The following PAPPA variants were observed in gnomAD, a reference collection of about 807,000 sequenced individuals.
PAPPA encodes the protein pappalysin 1.
Under a neutral mutation model 164.0 loss-of-function variants are expected in PAPPA, and 60 were observed. The observed-to-expected ratio is 0.37, with a 90% CI of 0.30 to 0.45. PAPPA has a LOEUF of 0.45. PAPPA is among the 20% of genes least tolerant of loss of function. The probability of loss-of-function intolerance (pLI) is 1.00; values close to 1 mark genes in which losing one functional copy is unlikely to be tolerated. For missense variants in PAPPA, 1,782 were observed against 2,087.3 expected, an observed-to-expected ratio of 0.85 and a Z score of 2.85; for synonymous variants, 875 against 814.1, an observed-to-expected ratio of 1.07 and a Z score of -1.27.
In PAPPA at chr9:116,397,415, C is replaced by T. The variant is rs1025393912; in HGVS notation, c.*799C>T. The T allele has an allele frequency of 6.5e-6, 1 of 152,816 alleles. No homozygotes were observed. Among genetic ancestry groups the T allele is most frequent in the African/African-American group, 2.4e-5 (1 of 41,474 alleles). The allele number at this position is 152,816 out of a possible 1,614,324, so 9.5% of individuals were successfully genotyped here. A position where few individuals can be genotyped will look rare whatever the true frequency, so the allele number is the denominator to read the frequency against. On this transcript the variant is annotated 3_prime_UTR_variant, in exon 22 of 22. Transcript: ENST00000328252. Reference sequence around the variant, plus strand: ...GGTCATAATATCCCTCTAGGACTTACCTGTTCCCCCAGATCTTGCCTTGGG... The same window carrying T: ...GGTCATAATATCCCTCTAGGACTTATCTGTTCCCCCAGATCTTGCCTTGGG...
chr9:116,180,439 C>T (rs1052548771), intron 1 of PAPPA, among the ~76,000 whole-genome samples: 2 of 152,080 alleles, frequency 1.3e-5, no homozygotes, highest in African/African-American at 2.4e-5. Context: ...TCTCAGTTTC[C>T]TTATCTGTCA....
chr9:116,167,120 CACCTTTA>C lies in PAPPA; in HGVS notation c.415+12536_415+12542del, dbSNP rs201396694. 7.6e-3 allele frequency among the ~76,000 whole-genome samples: 1,150 copies of C among 152,250 alleles called. 19 individuals are homozygous for C. The highest frequency in any genetic ancestry group is 0.026 in the African/African-American group (1,100 of 41,540). On this transcript the variant is annotated intron_variant, in intron 1 of 21. Coordinates refer to ENST00000328252, the MANE Select transcript of PAPPA (RefSeq NM_002581.5). ...ATTTTACATCCATTAGAGCATTTCC[CACCTTTA>C]ACTAGTCCTTTAGGAGATATACAGT...
intron 10 of PAPPA, among the ~76,000 whole-genome samples, chr9:116,307,369 G>C (rs963685495): frequency 6.6e-6 from 1 of 152,132 alleles, no homozygotes; most frequent in South Asian, 2.1e-4. Context: ...GGAGGCTGAG[G>C]CGGGCGGATC....
chr9:116,195,204 A>G (rs1216262060), intron 2 of PAPPA, among the ~76,000 whole-genome samples: 1 of 152,132 alleles, frequency 6.6e-6, no homozygotes, highest in Non-Finnish European at 1.5e-5. Flanking sequence ...ACTCACACAT[A>G]TGGTTTGATT....
rs531760516 is a variant in PAPPA at position 116,188,068 on chromosome 9, C to T, written c.1330C>T (p.Arg444Cys). The T allele has an allele frequency of 4.3e-6, 7 of 1,614,174 alleles. No homozygotes were observed. In the Admixed American group the frequency reaches 5.0e-5, roughly 12 times the overall value. Residue 444 changes from arginine to cysteine, a missense_variant, in exon 2 of 22, where the codon CGC becomes TGC. By Grantham distance (180) the Arg-to-Cys change is radical (BLOSUM62 -3). This residue lies in a region of PAPPA where 1,324 missense variants were observed against 1,656.9 expected (regional missense o/e 0.80). Transcript: ENST00000328252. Reference sequence around the variant, plus strand: ...CGACGGCGGGGATTGCCGCCACCTGCGCCACCCTGCCTTCGTGAAGAAGCA... The same window carrying T: ...CGACGGCGGGGATTGCCGCCACCTGTGCCACCCTGCCTTCGTGAAGAAGCA... ...GHDGGDCRHL[R>C]HPAFVKKQHN...
intron 8 of PAPPA, among the ~76,000 whole-genome samples, chr9:116,269,010 G>C (rs73530052): frequency 0.011 from 1,635 of 152,256 alleles, 30 homozygotes; most frequent in African/African-American, 0.037. Context: ...ATGGATGAGT[G>C]CTGTCTTAAA....
chr9:116,235,011 C>T, intron 6 of PAPPA, 128 bp from the exon 7 acceptor site: 1 of 994,840 alleles, frequency 1.0e-6, no homozygotes, highest in Non-Finnish European at 1.5e-6. Flanking sequence ...GCACCAAGAA[C>T]CTTCCTCTCC....
In PAPPA at chr9:116,266,068, T is replaced by C. The variant is rs867157750; in HGVS notation, c.2861+83T>C. The C allele has an allele frequency of 2.4e-6, 3 of 1,262,388 alleles. No homozygotes were observed. In the African/African-American group the frequency reaches 4.4e-5, roughly 19 times the overall value. The allele number at this position is 1,262,388 out of a possible 1,614,324, so 78.2% of individuals were successfully genotyped here. ...TTAGGGTGCTGAACAGAAGAGCTTA[T>C]GACATATTCTTCAGTGCATGAGCTG... On this transcript the variant is annotated intron_variant, in intron 8 of 21. Coordinates refer to ENST00000328252, the MANE Select transcript of PAPPA (RefSeq NM_002581.5).
chr9:116,387,260 A>C (rs571789721), intron 21 of PAPPA, among the ~76,000 whole-genome samples: 1 of 152,352 alleles, frequency 6.6e-6, no homozygotes, highest in African/African-American at 2.4e-5. Context: ...AATTTGTACA[A>C]GGTGATAGAG....
rs114980545 is a variant in PAPPA, at chr9:116,319,306, T to G, written c.3148-11938T>G. Among the ~76,000 whole-genome samples the G allele has an allele frequency of 2.9e-3, 438 of 152,312 alleles. 4 individuals are homozygous for G. The highest frequency in any genetic ancestry group is 0.01 in the African/African-American group (422 of 41,562). ...CTCCCTTGTTAGAGGATTTACTAGC[T>G]GGAGGAGCTCAAGCCCCCTGCCCAT... On this transcript the variant is annotated intron_variant, in intron 10 of 21. Coordinates refer to ENST00000328252, the MANE Select transcript of PAPPA (RefSeq NM_002581.5).
chr9:116,326,274 T>TA (rs1219279614), intron 10 of PAPPA, among the ~76,000 whole-genome samples: 1 of 152,160 alleles, frequency 6.6e-6, no homozygotes, highest in Admixed American at 6.5e-5. Flanking sequence ...TTATTTTATG[T>TA]AAAAAATATT....
intron 19 of PAPPA, 147 bp downstream of exon 19, chr9:116,367,901 C>T (rs1846523163): frequency 3.0e-6 from 2 of 657,610 alleles, no homozygotes; most frequent in Non-Finnish European, 5.6e-6. Flanking sequence ...GTGTGTGTTG[C>T]AGGGAGGTGG....
intron 21 of PAPPA, among the ~76,000 whole-genome samples, chr9:116,384,916 C>CCTAT (rs1357050239): frequency 2.0e-5 from 3 of 152,268 alleles, no homozygotes; most frequent in Non-Finnish European, 4.4e-5. Flanking sequence ...AAATAATGTT[C>CCTAT]CTATCTATTG....
intron 4 of PAPPA, among the ~76,000 whole-genome samples, chr9:116,213,882 G>C (rs1368973096): frequency 6.6e-6 from 1 of 152,180 alleles, no homozygotes; most frequent in East Asian, 1.9e-4. Flanking sequence ...AAAGCAGCTG[G>C]ATGCAATTCA....
chr9:116,188,588 A>C (rs2118632563), intron 2 of PAPPA, among the ~76,000 whole-genome samples: 3 of 152,306 alleles, frequency 2.0e-5, no homozygotes, highest in Admixed American at 2.0e-4. Context: ...TGCCTACTTA[A>C]ATTTAAATCA....
At position 116,344,488 on chromosome 9, in the gene PAPPA, A is replaced by C. The variant is rs372521739; in HGVS notation, c.3612-55A>C. On this transcript the variant is annotated intron_variant, in intron 13 of 21. Coordinates refer to ENST00000328252, the MANE Select transcript of PAPPA (RefSeq NM_002581.5). Reference sequence around the variant, plus strand: ...GCTCTTAGCCTTTATCTTCCAACTGAGCATAGCTGTCCTGTGAGGAGACTC... The same window carrying C: ...GCTCTTAGCCTTTATCTTCCAACTGCGCATAGCTGTCCTGTGAGGAGACTC... 30 of 1,553,860 alleles carry C rather than the reference A, an allele frequency of 1.9e-5. No individual in the cohort carries two copies. In the African/African-American group the frequency reaches 3.2e-4, roughly 17 times the overall value.
intron 1 of PAPPA, among the ~76,000 whole-genome samples, chr9:116,163,671 C>A (rs1433563131): frequency 6.6e-6 from 1 of 152,162 alleles, no homozygotes; most frequent in African/African-American, 2.4e-5. Context: ...GTGTATTTTC[C>A]TCCACTAGGT....
Position 116,188,055 on chromosome 9 carries a change from T to C in PAPPA, c.1317T>C (p.Asp439=). Residue 439 remains aspartate (D), a synonymous_variant, in exon 2 of 22, where the codon GAT becomes GAC. Coordinates refer to ENST00000328252, the MANE Select transcript of PAPPA (RefSeq NM_002581.5). The stretch of plus-strand genomic sequence containing the variant: ...CGCTGACGGGCCACGACGGCGGGGA[T>C]TGCCGCCACCTGCGCCACCCTGCCT... The part of the protein sequence containing the change: ...NHTLTGHDGG[D]CRHLRHPAFV... 6.2e-7 allele frequency: 1 copy of C among 1,614,138 alleles called. No homozygotes were observed.
intron 4 of PAPPA, 79 bp from the exon 5 acceptor site, chr9:116,219,858 G>A (rs140008572): frequency 5.0e-5 from 61 of 1,231,966 alleles, no homozygotes; most frequent in East Asian, 7.0e-5. Context: ...CTCTTGGGCC[G>A]CCAGGAGCCG....
Sources: allele counts gnomAD v4.1 joint callset (sites outside exome capture counted in the v4.1 genomes callset), GRCh38; gene constraint gnomAD v4.1.1; regional missense constraint gnomAD v4.1.1; transcripts MANE v1.5; gene names NCBI Gene and HGNC (gene_info 2026-07-23, HGNC 2026-07-21).